The following ZNF629 variants were observed in gnomAD, a reference collection of about 807,000 sequenced individuals.
ZNF629 encodes the protein zinc finger protein 629, also known as DNA-binding protein.
A neutral mutation model predicts 59.7 loss-of-function variants in ZNF629; 9 were observed. That is an observed-to-expected ratio of 0.15 (90% CI 0.09 to 0.26). ZNF629 has a LOEUF of 0.26. ZNF629 is among the 10% of genes least tolerant of loss of function. ZNF629 has a pLI of 1.00. For synonymous variants in ZNF629, 509 were observed against 498.9 expected (o/e 1.02, Z -0.27); for missense variants, 853 against 1,165.4 (o/e 0.73, Z 3.90).
At chr16:30,784,858 G>A (rs2054318488) in intron 1 of ZNF629, among the ~76,000 whole-genome samples, 1 of 152,200 alleles carries the variant, frequency 6.6e-6, no homozygotes, top group African/African-American at 2.4e-5. Flanking sequence ...CTGATGCCCA[G>A]AGGCTGGGAA....
At position 30,780,911 on chromosome 16, in the gene ZNF629, C is replaced by A. The variant is rs1171122478; in HGVS notation, c.*807G>T. 1.3e-5 allele frequency: 2 copies of A among 152,110 alleles called. No individual in the cohort carries two copies. The highest frequency in any genetic ancestry group is 4.8e-5 in the African/African-American group (2 of 41,404). The allele number at this position is 152,110 out of a possible 1,614,324, so 9.4% of individuals were successfully genotyped here. On this transcript the variant is annotated 3_prime_UTR_variant, in exon 3 of 3. Coordinates refer to ENST00000262525, the MANE Select transcript of ZNF629 (RefSeq NM_001080417.3). ...GGTTTCTCAGTATTCTTATACTGAC[C>A]ATGTTTCTGCACCCCAAACTTCAGC... is the stretch of plus-strand genomic sequence containing the variant.
chr16:30,785,283 G>C (rs1596781512), intron 1 of ZNF629, among the ~76,000 whole-genome samples: 1 of 152,210 alleles, frequency 6.6e-6, no homozygotes, highest in East Asian at 1.9e-4. Flanking sequence ...GAATCAGGCT[G>C]TCCATTTTAC....
Position 30,781,945 on chromosome 16 carries a change from G to A in ZNF629, c.2383C>T (p.Pro795Ser), listed in dbSNP as rs756766073. The A allele has an allele frequency of 2.6e-6, 4 of 1,539,572 alleles. No individual in the cohort carries two copies. In the Admixed American group the frequency reaches 8.4e-5, roughly 32 times the overall value. The change falls in exon 3 of 3, where the codon CCC becomes TCC. Residue 795 changes from proline to serine, a missense_variant. This residue lies in a region of ZNF629 where 420 missense variants were observed against 435.6 expected (regional missense o/e 0.96). Coordinates refer to ENST00000262525, the MANE Select transcript of ZNF629 (RefSeq NM_001080417.3). ...GGAGGGGGGTCCTCGGGATTGGGGG[G>A]TTTTTCCTGGGTGTGGGTTTCTTGG... ...RHQETHTQEKPPNPEDPPPEA... is the reference protein window; with the variant it reads ...RHQETHTQEKSPNPEDPPPEA...
rs1188167571 is a variant in ZNF629, at chr16:30,782,588, G to A, written c.1740C>T (p.Asp580=). The A allele has an allele frequency of 6.4e-7, 1 of 1,561,630 alleles. No individual in the cohort carries two copies. Among genetic ancestry groups the A allele is most frequent in the East Asian group, 2.4e-5 (1 of 41,732 alleles). Residue 580 remains aspartate, a synonymous_variant, in exon 3 of 3, where the codon GAC becomes GAT. Transcript: ENST00000262525. ...KCLVCGKGFN[D]EGIFMQHQRI... is the part of the protein sequence containing the mutation. Reference sequence around the variant, plus strand: ...TCTGATGTTGCATGAAGATGCCCTCGTCGTTGAAGCCCTTTCCGCACACGA... The same window carrying A: ...TCTGATGTTGCATGAAGATGCCCTCATCGTTGAAGCCCTTTCCGCACACGA...
rs1480139407 is a variant in ZNF629, at chr16:30,784,453, C to T, written c.30G>A (p.Pro10=). 9 of 1,562,566 alleles carry T rather than the reference C, an allele frequency of 5.8e-6. No individual in the cohort carries two copies. Among genetic ancestry groups the T allele is most frequent in the Non-Finnish European group, 7.8e-6 (9 of 1,156,094 alleles). Residue 10 remains proline, a synonymous_variant, in exon 2 of 3, where the codon CCG becomes CCA. Transcript: ENST00000262525. MEPETALWG[P]DLQGPEQSPN... ...GGCTCTGTTCCGGACCCTGCAGATC[C>T]GGGCCCCACAGCGCAGTCTCGGGCT...
Position 30,781,485 on chromosome 16 carries a change from T to C in ZNF629, c.*233A>G. On this transcript the variant is annotated 3_prime_UTR_variant, in exon 3 of 3. Transcript: ENST00000262525. ...GGCTTTTTTTTTTCCTACATATTTA[T>C]AGGGTTTCTAACCCAACAGTTTTTC... The C allele has an allele frequency of 2.6e-6, 1 of 383,090 alleles. No individual in the cohort carries two copies. The highest frequency in any genetic ancestry group is 2.1e-5 in the African/African-American group (1 of 48,234). 23.7% of individuals were successfully genotyped at this position (383,090 alleles called of 1,614,324 possible).
rs939295622 is a variant in ZNF629 at position 30,780,096 on chromosome 16, A to G, written c.*1622T>C. ...GTGTGGGAGGTGAGATGGGCCTGGC[A>G]AGGGAGGCTTTCTCATCCTTCTGTT... On this transcript the variant is annotated 3_prime_UTR_variant, in exon 3 of 3. Transcript: ENST00000262525. The G allele has an allele frequency of 6.5e-6, 1 of 152,716 alleles. No individual in the cohort carries two copies. Among genetic ancestry groups the G allele is most frequent in the African/African-American group, 2.4e-5 (1 of 41,438 alleles). The allele number at this position is 152,716 out of a possible 1,614,324, so 9.5% of individuals were successfully genotyped here.
At chr16:30,785,250 C>A (rs1231920083) in intron 1 of ZNF629, among the ~76,000 whole-genome samples, 3 of 152,186 alleles carry the variant, frequency 2.0e-5, no homozygotes, top group African/African-American at 7.2e-5. Context: ...CCAGTCCTCC[C>A]ACAGCCTGGT....
chr16:30,785,171 G>T (rs968621966), intron 1 of ZNF629, among the ~76,000 whole-genome samples: 1 of 152,168 alleles, frequency 6.6e-6, no homozygotes, highest in African/African-American at 2.4e-5. Flanking sequence ...GTAAGGAGAA[G>T]GGGAGGATGG....
At position 30,784,120 on chromosome 16, in the gene ZNF629, G is replaced by C. The variant is rs189636804; in HGVS notation, c.208C>G (p.Pro70Ala). 4.2e-5 allele frequency: 67 copies of C among 1,608,564 alleles called. No individual in the cohort carries two copies. In the Admixed American group the frequency reaches 1.1e-3, roughly 26 times the overall value. ...GTTGGGGGGTTCTGGGGGACAGAGG[G>C]GTCCTGGGAGGATCTCTCCAGGGAC... Reference protein sequence around the residue: ...EMSLERSSQDPSVPQNPPTPL... With the variant: ...EMSLERSSQDASVPQNPPTPL... The change falls in exon 3 of 3, where the codon CCC becomes GCC. Residue 70 changes from proline to alanine, a missense_variant. Transcript: ENST00000262525.
At position 30,783,157 on chromosome 16, in the gene ZNF629, G is replaced by A; in HGVS notation, c.1171C>T (p.Arg391Trp). Residue 391 changes from arginine to tryptophan, a missense_variant, in exon 3 of 3, where the codon CGG (arginine) becomes TGG (tryptophan). Transcript: ENST00000262525. ...TCGCCCGTGTGCGTGCGCTGGTGCC[G>A]CAGCAACGTGGCGCTCAGGGTGAAG... ...KTFTLSATLL[R>W]HQRTHTGERP... 1 of 1,613,288 alleles carries A rather than the reference G, an allele frequency of 6.2e-7. No individual in the cohort carries two copies. The highest frequency in any genetic ancestry group is 8.5e-7 in the Non-Finnish European group (1 of 1,179,748).
Position 30,784,245 on chromosome 16 carries a change from C to T in ZNF629, c.83G>A (p.Ser28Asn), listed in dbSNP as rs771163930. The T allele has an allele frequency of 2.5e-6, 4 of 1,599,464 alleles. No individual in the cohort carries two copies. Among genetic ancestry groups the T allele is most frequent in the Non-Finnish European group, 8.5e-7 (1 of 1,176,544 alleles). ...CCGAGGGCTCTCCTCTTCGTTTTCA[C>T]TCTCGGCACCTACAGAAAGAAAGGG... ...SPNDAHRGAE[S>N]ENEEESPRQE... Residue 28 changes from serine to asparagine, a missense_variant, in exon 3 of 3, where the codon AGT becomes AAT. Physicochemically the swap from Ser to Asn is conservative, Grantham distance 46. Coordinates refer to ENST00000262525, the MANE Select transcript of ZNF629 (RefSeq NM_001080417.3).
rs2054290427 is a variant in ZNF629, at chr16:30,782,416, C to T, written c.1912G>A (p.Gly638Arg). ...GAAEGRAEAP[G>R]QPLKPPEGQE... ...CCCTCCGGCGGCTTAAGGGGCTGTCCGGGGGCCTCCGCTCTGCCCTCCGCA... is the reference window on the plus strand; with the variant it reads ...CCCTCCGGCGGCTTAAGGGGCTGTCTGGGGGCCTCCGCTCTGCCCTCCGCA... Residue 638 changes from glycine (G) to arginine (R), a missense_variant, in exon 3 of 3, where the codon GGA becomes AGA. Physicochemically the swap from Gly to Arg is moderately radical, Grantham distance 125. Coordinates refer to ENST00000262525, the MANE Select transcript of ZNF629 (RefSeq NM_001080417.3). 2 of 1,566,214 alleles carry T rather than the reference C, an allele frequency of 1.3e-6. No homozygotes were observed. Among genetic ancestry groups the T allele is most frequent in the South Asian group, 1.2e-5 (1 of 85,610 alleles).
chr16:30,786,894 G>A lies in ZNF629; in HGVS notation c.-34+134C>T, dbSNP rs1258859749. ...CGCGCCCCCCGCCCGCCCCCACCCC[G>A]GCCACAGCCCCGGGCGCGGGTGGGG... On this transcript the variant is annotated intron_variant, in intron 1 of 2. Transcript: ENST00000262525. This position sits in a 1 kb window ranked among gnomAD's most constrained non-coding sequence, Gnocchi z 4.8. 1.4e-5 allele frequency: 2 copies of A among 142,622 alleles called. No homozygotes were observed. Among genetic ancestry groups the A allele is most frequent in the African/African-American group, 5.1e-5 (2 of 38,840 alleles). 8.8% of individuals were successfully genotyped at this position (142,622 alleles called of 1,614,324 possible).
At position 30,783,171 on chromosome 16, in the gene ZNF629, C is replaced by T; in HGVS notation, c.1157G>A (p.Ser386Asn). Residue 386 changes from serine (S) to asparagine (N), a missense_variant, in exon 3 of 3, where the codon AGC becomes AAC. Ser to Asn is a conservative substitution (Grantham distance 46, BLOSUM62 1). Around this residue, in one of 3 missense-constraint regions of ZNF629, gnomAD observed 201 missense variants for 536.5 expected, o/e 0.37. Transcript: ENST00000262525. Reference protein sequence around the residue: ...CPVCGKTFTLSATLLRHQRTH... With the variant: ...CPVCGKTFTLNATLLRHQRTH... Reference sequence around the variant, plus strand: ...GCGCTGGTGCCGCAGCAACGTGGCGCTCAGGGTGAAGGTCTTGCCGCACAC... The same window carrying T: ...GCGCTGGTGCCGCAGCAACGTGGCGTTCAGGGTGAAGGTCTTGCCGCACAC... The T allele has an allele frequency of 6.2e-7, 1 of 1,613,594 alleles. No homozygotes were observed. The highest frequency in any genetic ancestry group is 8.5e-7 in the Non-Finnish European group (1 of 1,179,804).
In ZNF629 at chr16:30,781,494, T is replaced by TAGA; in HGVS notation, c.*223_*224insTCT. ...TTTTCCTACATATTTATAGGGTTTC[T>TAGA]AACCCAACAGTTTTTCTCTACTGCC... On this transcript the variant is annotated 3_prime_UTR_variant, in exon 3 of 3. Transcript: ENST00000262525. 1 of 409,320 alleles carries TAGA rather than the reference T, an allele frequency of 2.4e-6. No individual in the cohort carries two copies. The highest frequency in any genetic ancestry group is 3.8e-5 in the East Asian group (1 of 26,176). The allele number at this position is 409,320 out of a possible 1,614,324, so 25.4% of individuals were successfully genotyped here.
Position 30,784,401 on chromosome 16 carries a change from GC to G in ZNF629, c.73+8del. Reference sequence around the variant, plus strand: ...TGCCGGGACCGCAGCCCCTTCTTGTGCCCCTCACCTCTGTGAGCATCGTTGG... The same window carrying G: ...TGCCGGGACCGCAGCCCCTTCTTGTGCCCTCACCTCTGTGAGCATCGTTGG... On this transcript the variant is annotated splice_region_variant and intron_variant, in intron 2 of 2. Transcript: ENST00000262525. 1.3e-6 allele frequency: 2 copies of G among 1,563,318 alleles called. No homozygotes were observed. Among genetic ancestry groups the G allele is most frequent in the Non-Finnish European group, 8.6e-7 (1 of 1,156,326 alleles).
rs772627166 is a variant in ZNF629 at position 30,781,859 on chromosome 16, C to G, written c.2469G>C (p.Glu823Asp). 1 of 1,586,652 alleles carries G rather than the reference C, an allele frequency of 6.3e-7. No individual in the cohort carries two copies. Among genetic ancestry groups the G allele is most frequent in the Non-Finnish European group, 8.6e-7 (1 of 1,163,776 alleles). The change falls in exon 3 of 3, where the codon GAG (glutamate) becomes GAC (aspartate). Residue 823 changes from glutamate to aspartate, a missense_variant. This residue lies in a region of ZNF629 where 420 missense variants were observed against 435.6 expected (regional missense o/e 0.96). Coordinates refer to ENST00000262525, the MANE Select transcript of ZNF629 (RefSeq NM_001080417.3). ...EGEGETPTPT[E>D]SSSHGEGQNP... ...TTTGCCCTTCCCCATGGCTGCTGCTCTCTGTGGGGGTAGGGGTCTCGCCCT... is the reference window on the plus strand; with the variant it reads ...TTTGCCCTTCCCCATGGCTGCTGCTGTCTGTGGGGGTAGGGGTCTCGCCCT...
chr16:30,784,895 C>T (rs992046448), intron 1 of ZNF629, among the ~76,000 whole-genome samples: 7 of 152,146 alleles, frequency 4.6e-5, no homozygotes, highest in African/African-American at 1.4e-4. Flanking sequence ...TCAGAGGAAG[C>T]TCATTAAGAC....
Sources: gnomAD v4.1 joint callset for allele counts (sites outside exome capture counted in the v4.1 genomes callset) on GRCh38, gnomAD v4.1.1 for gene constraint, gnomAD v4.1.1 regional missense constraint, Gnocchi (gnomAD v3.1) non-coding constraint, MANE v1.5 for transcripts, NCBI Gene and HGNC (gene_info 2026-07-23, HGNC 2026-07-21) for gene names.